ARG2: variants seen among roughly 807,000 people sequenced by gnomAD.
The protein encoded by ARG2 is arginase 2, also known as arginase-2, mitochondrial.
In ARG2, 21 loss-of-function variants were observed where a neutral mutation model predicts 39.4. That is an observed-to-expected ratio of 0.53 (90% CI 0.38 to 0.77). The LOEUF is 0.77. Ranked by LOEUF, ARG2 falls within the 30% of genes least tolerant of loss-of-function variation. The pLI is 0.00. For missense variants in ARG2, 378 were observed against 426.2 expected (o/e 0.89, Z 1.00); for synonymous variants, 150 against 156.7 (o/e 0.96, Z 0.32).
chr14:67,633,381 A>T (rs78834485), intron 2 of ARG2, among the ~76,000 whole-genome samples: 5,442 of 152,134 alleles, frequency 0.036, 293 homozygotes, highest in African/African-American at 0.12. Context: ...GGCGATGTAT[A>T]CTTCATCAGA....
chr14:67,651,256 C>T lies in ARG2; in HGVS notation c.*336C>T, dbSNP rs2037171731. 1 of 1,541,332 alleles carries T rather than the reference C, an allele frequency of 6.5e-7. No individual in the cohort carries two copies. The highest frequency in any genetic ancestry group is 2.3e-5 in the East Asian group (1 of 43,816). On this transcript the variant is annotated 3_prime_UTR_variant, in exon 8 of 8. Coordinates refer to ENST00000261783, the MANE Select transcript of ARG2 (RefSeq NM_001172.4). ...TTTTCATCTTTCCTCCCTCCTCCCA[C>T]AGCCTGGCTATACAGTGCATCCTTG... is the stretch of plus-strand genomic sequence containing the variant.
At chr14:67,626,036 TTCAGG>T (rs1281040804) in intron 2 of ARG2, among the ~76,000 whole-genome samples, 5 of 152,142 alleles carry the variant, frequency 3.3e-5, no homozygotes, top group African/African-American at 1.2e-4. Context: ...GGCAGATCAT[TTCAGG>T]TCAGGAGTTC....
rs370940412 is a variant in ARG2 at position 67,643,086 on chromosome 14, A to G, written c.362+723A>G. ...CCAAAGTGCTGGGATTACAGGCATG[A>G]GCCACTGTGCCCAGCTGTGGATACA... is the stretch of plus-strand genomic sequence containing the variant. On this transcript the variant is annotated intron_variant, in intron 3 of 7. Transcript: ENST00000261783. Among the ~76,000 whole-genome samples the G allele has an allele frequency of 7.2e-5, 11 of 152,276 alleles. No individual in the cohort carries two copies. The East Asian group carries it at 1.5e-3, about 21-fold the overall frequency.
intron 2 of ARG2, among the ~76,000 whole-genome samples, chr14:67,621,875 T>C (rs1157054736): frequency 6.6e-6 from 1 of 150,870 alleles, no homozygotes; most frequent in African/African-American, 2.4e-5. Context: ...GGTGGGTGGA[T>C]CACCTGAGGT....
At chr14:67,632,987 A>C (rs1214263461) in intron 2 of ARG2, among the ~76,000 whole-genome samples, 1 of 151,064 alleles carries the variant, frequency 6.6e-6, no homozygotes, top group Non-Finnish European at 1.5e-5. Context: ...CGCCCGGCTA[A>C]TTTTTCGTAT....
At chr14:67,645,413 C>A (rs534185497) in intron 3 of ARG2, among the ~76,000 whole-genome samples, 1 of 152,240 alleles carries the variant, frequency 6.6e-6, no homozygotes, top group South Asian at 2.1e-4. Context: ...GCAGTGACAT[C>A]TGTCACACTG....
intron 7 of ARG2, 32 bp from the exon 8 acceptor site, chr14:67,650,683 A>T: frequency 6.2e-7 from 1 of 1,602,828 alleles, no homozygotes; most frequent in Non-Finnish European, 8.5e-7. Flanking sequence ...CAGCAAGGGA[A>T]CCTGAGGTTT....
At chr14:67,622,754 C>G (rs1419992095) in intron 2 of ARG2, among the ~76,000 whole-genome samples, 2 of 152,218 alleles carry the variant, frequency 1.3e-5, no homozygotes, top group Non-Finnish European at 2.9e-5. Context: ...CATCTGAACT[C>G]GGCCAAGCAT....
chr14:67,620,072 C>T lies in ARG2; in HGVS notation c.95C>T (p.Pro32Leu), dbSNP rs773047712. 1.9e-6 allele frequency: 3 copies of T among 1,608,452 alleles called. No homozygotes were observed. Among genetic ancestry groups the T allele is most frequent in the Admixed American group, 3.4e-5 (2 of 59,472 alleles). ...CACTCCGTGGCTGTGATAGGAGCCC[C>T]GTTCTCACAAGGGCAGGTGAGAACT... is the stretch of plus-strand genomic sequence containing the variant. The part of the protein sequence containing the change: ...SVHSVAVIGA[P>L]FSQGQKRKGV... Residue 32 changes from proline to leucine, a missense_variant, in exon 1 of 8, where the codon CCG becomes CTG. Coordinates refer to ENST00000261783, the MANE Select transcript of ARG2 (RefSeq NM_001172.4).
At chr14:67,637,498 C>T (rs1380568143) in intron 2 of ARG2, among the ~76,000 whole-genome samples, 3 of 151,418 alleles carry the variant, frequency 2.0e-5, no homozygotes, top group African/African-American at 7.3e-5. Context: ...AGCCTCCTCA[C>T]TCCTCTTAAA....
chr14:67,621,532 T>G (rs2036810709), intron 2 of ARG2, among the ~76,000 whole-genome samples: 1 of 151,970 alleles, frequency 6.6e-6, no homozygotes, highest in South Asian at 2.1e-4. Context: ...ATTGGCTCAT[T>G]GCAACCTCCA....
At chr14:67,627,256 G>GATACATATAT (rs1555379492) in intron 2 of ARG2, among the ~76,000 whole-genome samples, 1 of 133,750 alleles carries the variant, frequency 7.5e-6, no homozygotes, top group African/African-American at 3.0e-5. Flanking sequence ...TCAGTAAGGA[G>GATACATATAT]ATATATATAT....
At position 67,645,811 on chromosome 14, in the gene ARG2, G is replaced by A. The variant is rs759505590; in HGVS notation, c.522+9G>A. 9 of 1,612,582 alleles carry A rather than the reference G, an allele frequency of 5.6e-6. No individual in the cohort carries two copies. The highest frequency in any genetic ancestry group is 3.3e-5 in the Admixed American group (2 of 59,740). On this transcript the variant is annotated intron_variant, in intron 4 of 7. Coordinates refer to ENST00000261783, the MANE Select transcript of ARG2 (RefSeq NM_001172.4). ...GAGAACTACAGGATAAGGTCAGTGG[G>A]CCAAAACGAAAAGAAAGGTGAATGG...
At chr14:67,645,522 T>C (rs2140777503) in intron 3 of ARG2, 121 bp from the exon 4 acceptor site, 1 of 1,113,002 alleles carries the variant, frequency 9.0e-7, no homozygotes, top group South Asian at 1.7e-5. Flanking sequence ...CCAAACCCAG[T>C]CTCCATCTAG....
chr14:67,639,548 A>G (rs2037007807), intron 2 of ARG2, among the ~76,000 whole-genome samples: 1 of 152,106 alleles, frequency 6.6e-6, no homozygotes, highest in African/African-American at 2.4e-5. Context: ...TAAGAACCTA[A>G]TGGTTGATGT....
chr14:67,651,158 G>T lies in ARG2; in HGVS notation c.*238G>T. ...TACAGTACTATGTAAATTTAAAGAA[G>T]TCATAAACAGCATTTATTACCTTGG... On this transcript the variant is annotated 3_prime_UTR_variant, in exon 8 of 8. Transcript: ENST00000261783. 11 of 963,710 alleles carry T rather than the reference G, an allele frequency of 1.1e-5. No individual in the cohort carries two copies. The highest frequency in any genetic ancestry group is 1.6e-5 in the Non-Finnish European group (11 of 668,274). The allele number at this position is 963,710 out of a possible 1,614,324, so 59.7% of individuals were successfully genotyped here. A position where few individuals can be genotyped will look rare whatever the true frequency, so the allele number is the denominator to read the frequency against.
chr14:67,637,161 G>C (rs1278754958), intron 2 of ARG2, among the ~76,000 whole-genome samples: 1 of 152,138 alleles, frequency 6.6e-6, no homozygotes, highest in South Asian at 2.1e-4. Flanking sequence ...TGTAATCCTA[G>C]CGCTTTGGGA....
chr14:67,623,421 T>G (rs528560463), intron 2 of ARG2, among the ~76,000 whole-genome samples: 1 of 152,158 alleles, frequency 6.6e-6, no homozygotes, highest in Non-Finnish European at 1.5e-5. Context: ...GGTGTTACCA[T>G]AGCATGAGTT....
At chr14:67,633,752 T>A (rs367719114) in intron 2 of ARG2, among the ~76,000 whole-genome samples, 2 of 152,354 alleles carry the variant, frequency 1.3e-5, no homozygotes, top group East Asian at 3.9e-4. Flanking sequence ...CTCTTTGCAG[T>A]CCTCTAGGTG....
Sources: gnomAD v4.1 joint callset for allele counts (sites outside exome capture counted in the v4.1 genomes callset) on GRCh38, gnomAD v4.1.1 for gene constraint, MANE v1.5 for transcripts, NCBI Gene and HGNC (gene_info 2026-07-23, HGNC 2026-07-21) for gene names.